Variants in BICD1 observed in about 807,000 individuals in gnomAD.
BICD1 encodes protein bicaudal D homolog 1.
In BICD1, 35 loss-of-function variants were observed where a neutral mutation model predicts 92.5. The ratio of observed to expected loss-of-function variants is 0.38; its 90% CI spans 0.29 to 0.50. The LOEUF (loss-of-function observed/expected upper bound fraction) is 0.50. BICD1 is among the 20% of genes least tolerant of loss of function. The pLI, the probability that BICD1 is intolerant of heterozygous loss-of-function variation, is 0.93. For missense variants in BICD1, 950 were observed against 1,189.8 expected (o/e 0.80, Z 2.97); for synonymous variants, 429 against 465.1 (o/e 0.92, Z 1.00).
chr12:32,221,832 C>A (rs1945541749), intron 2 of BICD1, among the ~76,000 whole-genome samples: 1 of 152,076 alleles, frequency 6.6e-6, no homozygotes, highest in Non-Finnish European at 1.5e-5. Context: ...GTGAAGAAAT[C>A]TCTGAGTTCT....
At chr12:32,157,375 A>G (rs1205288947) in intron 1 of BICD1, among the ~76,000 whole-genome samples, 1 of 152,210 alleles carries the variant, frequency 6.6e-6, no homozygotes, top group Non-Finnish European at 1.5e-5. Context: ...TTTACCCTCT[A>G]TTGAAGGGAT....
intron 5 of BICD1, chr12:32,333,184 A>G: frequency 1.0e-6 from 1 of 984,686 alleles, no homozygotes; most frequent in Non-Finnish European, 1.2e-6. Context: ...TTCTGTTTTA[A>G]ATGAATATGT....
intron 2 of BICD1, among the ~76,000 whole-genome samples, chr12:32,233,322 TA>T (rs1555152907): frequency 1.5e-3 from 194 of 127,068 alleles, no homozygotes; most frequent in Middle Eastern, 4.3e-3. Context: ...AGTCTGTCTT[TA>T]AAAAAAAAAA....
intron 2 of BICD1, among the ~76,000 whole-genome samples, chr12:32,250,313 A>G (rs1946493419): frequency 6.6e-6 from 1 of 152,176 alleles, no homozygotes; most frequent in Non-Finnish European, 1.5e-5. Flanking sequence ...TGACGATAAT[A>G]CCTACCTCAG....
At chr12:32,213,455 G>A (rs539859618) in intron 1 of BICD1, among the ~76,000 whole-genome samples, 3 of 152,258 alleles carry the variant, frequency 2.0e-5, no homozygotes, top group Admixed American at 6.5e-5. Context: ...GAGTGCAGTG[G>A]CACAATCTCA....
At chr12:32,244,927 G>A (rs60591339) in intron 2 of BICD1, among the ~76,000 whole-genome samples, 7,204 of 151,820 alleles carry the variant, frequency 0.047, 272 homozygotes, top group East Asian at 0.19. Flanking sequence ...ATGCCCGGCC[G>A]ACATAGGCTA....
chr12:32,109,534 ATT>A (rs979030126), intron 1 of BICD1: 1 of 152,022 alleles, frequency 6.6e-6, no homozygotes, highest in Non-Finnish European at 1.5e-5. Context: ...TTCTATAAAT[ATT>A]TTAATATATA....
chr12:32,340,404 AC>A (rs1488733744), intron 8 of BICD1: 2 of 985,282 alleles, frequency 2.0e-6, no homozygotes, highest in African/African-American at 3.5e-5. Context: ...TCTGTGAATC[AC>A]CAAAGTGGTA....
At chr12:32,317,911 G>T (rs1448543865) in intron 4 of BICD1, among the ~76,000 whole-genome samples, 1 of 152,080 alleles carries the variant, frequency 6.6e-6, no homozygotes, top group African/African-American at 2.4e-5. Context: ...AAGGGATCCA[G>T]TTTCAGCTTT....
chr12:32,362,180 C>T (rs1026996184), intron 8 of BICD1, among the ~76,000 whole-genome samples: 10 of 152,126 alleles, frequency 6.6e-5, no homozygotes, highest in Non-Finnish European at 1.0e-4. Context: ...GCCAACATGG[C>T]GATACCCCAT....
At chr12:32,130,244 G>A (rs571491084) in intron 1 of BICD1, among the ~76,000 whole-genome samples, 3 of 149,900 alleles carry the variant, frequency 2.0e-5, no homozygotes, top group Non-Finnish European at 3.0e-5. Context: ...TCGCTCTGTC[G>A]CCCAGGCTGG....
chr12:32,277,151 T>A (rs11830737), intron 2 of BICD1, among the ~76,000 whole-genome samples: 1 of 152,126 alleles, frequency 6.6e-6, no homozygotes, highest in African/African-American at 2.4e-5. Flanking sequence ...CCCAGCACTT[T>A]GGGAGGCCGA....
At chr12:32,252,087 A>T (rs59166098) in intron 2 of BICD1, among the ~76,000 whole-genome samples, 1 of 24,492 alleles carries the variant, frequency 4.1e-5, no homozygotes, top group South Asian at 1.2e-3. Context: ...TATATTTATA[A>T]ATATATATTT....
intron 8 of BICD1, among the ~76,000 whole-genome samples, chr12:32,357,278 G>A (rs1939153898): frequency 6.6e-6 from 1 of 152,122 alleles, no homozygotes; most frequent in Non-Finnish European, 1.5e-5. Flanking sequence ...CTCCTAAAGT[G>A]CTGGGATTAC....
chr12:32,360,759 A>G (rs1939295156), intron 8 of BICD1, among the ~76,000 whole-genome samples: 1 of 152,186 alleles, frequency 6.6e-6, no homozygotes, highest in African/African-American at 2.4e-5. Flanking sequence ...TTTATGAAAT[A>G]TGGTCTTCAC....
intron 1 of BICD1, among the ~76,000 whole-genome samples, chr12:32,185,226 A>C (rs1014546424): frequency 7.9e-5 from 12 of 152,186 alleles, no homozygotes; most frequent in African/African-American, 2.4e-4. Context: ...CATATTCTCT[A>C]CCACTCACAG....
chr12:32,179,609 T>C lies in BICD1; in HGVS notation c.214-36638T>C, dbSNP rs1944212957. ...CAGTGTGCTAACTTTACTAAAATTG[T>C]GGGAATAAGCAAAATATTTTTCATA... On this transcript the variant is annotated intron_variant, in intron 1 of 9. Transcript: ENST00000652176. 2.0e-5 allele frequency among the ~76,000 whole-genome samples: 3 copies of C among 151,970 alleles called. No homozygotes were observed. The South Asian group carries it at 6.2e-4, about 32-fold the overall frequency.
chr12:32,244,689 C>T (rs1946326932), intron 2 of BICD1, among the ~76,000 whole-genome samples: 1 of 148,070 alleles, frequency 6.8e-6, no homozygotes, highest in Admixed American at 6.8e-5. Flanking sequence ...AGTGCAGTGG[C>T]ACGATCTCGG....
At chr12:32,145,711 T>C (rs775528487) in intron 1 of BICD1, among the ~76,000 whole-genome samples, 4 of 152,230 alleles carry the variant, frequency 2.6e-5, no homozygotes, top group Non-Finnish European at 5.9e-5. Context: ...CAGTTTATTT[T>C]AAGGCTGGAG....
Sources: allele counts gnomAD v4.1 joint callset (sites outside exome capture counted in the v4.1 genomes callset), GRCh38; gene constraint gnomAD v4.1.1; transcripts MANE v1.5; gene names NCBI Gene and HGNC (gene_info 2026-07-23, HGNC 2026-07-21).